Variants in TAFA5 observed in about 807,000 individuals in gnomAD.
TAFA5 encodes the protein TAFA chemokine like family member 5, also known as chemokine-like protein TAFA-5.
Under a neutral mutation model 15.3 loss-of-function variants are expected in TAFA5, and 6 were observed. The ratio of observed to expected loss-of-function variants is 0.39; its 90% CI spans 0.21 to 0.77. The LOEUF (loss-of-function observed/expected upper bound fraction) is 0.77. TAFA5 is among the 30% of genes least tolerant of loss of function. The pLI is 0.41. For synonymous variants in TAFA5, 103 were observed against 80.7 expected, an observed-to-expected ratio of 1.28 and a Z score of -1.48; for missense variants, 161 against 193.1, an observed-to-expected ratio of 0.83 and a Z score of 0.98.
rs201684030 is a variant in TAFA5 at position 48,707,767 on chromosome 22, G to C, written c.313G>C (p.Gly105Arg). The change falls in exon 3 of 4, where the codon GGG becomes CGG. Residue 105 changes from glycine to arginine, a missense_variant. Coordinates refer to ENST00000402357, the MANE Select transcript of TAFA5 (RefSeq NM_001082967.3). ...QWCDMLPCLE[G>R]EGCDLLINRS... The stretch of plus-strand genomic sequence containing the variant: ...GTGTGACATGCTTCCGTGTCTGGAG[G>C]GGGAAGGCTGCGACTTGTTAATCAA... 6.2e-7 allele frequency: 1 copy of C among 1,613,952 alleles called. No individual in the cohort carries two copies. The highest frequency in any genetic ancestry group is 8.5e-7 in the Non-Finnish European group (1 of 1,179,874).
chr22:48,692,120 G>A (rs5771724), intron 2 of TAFA5, among the ~76,000 whole-genome samples: 16,999 of 152,122 alleles, frequency 0.11, 999 homozygotes, highest in South Asian at 0.15. Context: ...GTCTTCCTGG[G>A]AAGACACCGA....
rs1924839681 is a variant in TAFA5 at position 48,598,173 on chromosome 22, TGAGGAAGGTC to T, written c.113-48423_113-48414del. 6.6e-6 allele frequency among the ~76,000 whole-genome samples: 1 copy of T among 152,178 alleles called. No individual in the cohort carries two copies. Among genetic ancestry groups the T allele is most frequent in the African/African-American group, 2.4e-5 (1 of 41,452 alleles). On this transcript the variant is annotated intron_variant, in intron 1 of 3. Coordinates refer to ENST00000402357, the MANE Select transcript of TAFA5 (RefSeq NM_001082967.3). This position sits in a 1 kb window ranked among gnomAD's most constrained non-coding sequence, Gnocchi z 4.0. ...TCCGCTGGAGAATTCTTTTCTTGCT[TGAGGAAGGTC>T]CATCTTTGTCCATTGAGGCCTTCAC...
At chr22:48,729,751 A>G (rs889509480) in intron 3 of TAFA5, among the ~76,000 whole-genome samples, 1 of 147,676 alleles carries the variant, frequency 6.8e-6, no homozygotes, top group East Asian at 1.9e-4. Flanking sequence ...ATAAATTTAA[A>G]TATGAAATAT....
intron 1 of TAFA5, among the ~76,000 whole-genome samples, chr22:48,495,600 C>T (rs1274184658): frequency 1.3e-5 from 2 of 152,198 alleles, no homozygotes; most frequent in Non-Finnish European, 2.9e-5. Flanking sequence ...GCCCCTGGCC[C>T]TGCACCCAGC....
intron 1 of TAFA5, among the ~76,000 whole-genome samples, chr22:48,609,744 G>C (rs1200548083): frequency 6.6e-6 from 1 of 152,226 alleles, no homozygotes; most frequent in Non-Finnish European, 1.5e-5. Flanking sequence ...GAGGCCGGGG[G>C]TCTGGCATCA....
intron 3 of TAFA5, among the ~76,000 whole-genome samples, chr22:48,729,888 C>T (rs888700003): frequency 1.3e-5 from 2 of 151,888 alleles, no homozygotes; most frequent in African/African-American, 4.8e-5. Context: ...GTGATGTGGG[C>T]CAGGCACCGT....
At chr22:48,657,413 G>A (rs1415439125) in intron 2 of TAFA5, among the ~76,000 whole-genome samples, 1 of 152,142 alleles carries the variant, frequency 6.6e-6, no homozygotes, top group Non-Finnish European at 1.5e-5. Flanking sequence ...AAAAGCCCAG[G>A]ACCAGATGGC....
At chr22:48,585,715 C>T (rs1050461511) in intron 1 of TAFA5, among the ~76,000 whole-genome samples, 1 of 151,632 alleles carries the variant, frequency 6.6e-6, no homozygotes, top group Non-Finnish European at 1.5e-5. Context: ...CAGAATATAC[C>T]ACACACAACA....
chr22:48,554,783 C>T lies in TAFA5; in HGVS notation c.112+65079C>T, dbSNP rs1002164135. On this transcript the variant is annotated intron_variant, in intron 1 of 3. Transcript: ENST00000402357. ...ATTCTCTGCAGACCTATAATCCTCT[C>T]AAGAGCCTGCTGGTTTTTACAAAGA... Among the ~76,000 whole-genome samples the T allele has an allele frequency of 4.6e-5, 7 of 152,364 alleles. No homozygotes were observed. In the East Asian group the frequency reaches 7.7e-4, roughly 17 times the overall value.
rs114652095 is a variant in TAFA5 at position 48,526,454 on chromosome 22, C to T, written c.112+36750C>T. Among the ~76,000 whole-genome samples the T allele has an allele frequency of 7.3e-3, 1,117 of 152,358 alleles. 12 individuals carry two copies. The highest frequency in any genetic ancestry group is 0.026 in the African/African-American group (1,067 of 41,586). On this transcript the variant is annotated intron_variant, in intron 1 of 3. Transcript: ENST00000402357. Reference sequence around the variant, plus strand: ...CCCAGACACATCTGAATACTGGCCACCTGGAGCCCTCAGAGTCCCTGGTCC... The same window carrying T: ...CCCAGACACATCTGAATACTGGCCATCTGGAGCCCTCAGAGTCCCTGGTCC...
Position 48,682,940 on chromosome 22 carries a change from G to A in TAFA5, c.263-24777G>A, listed in dbSNP as rs901119819. ...TGGCAGTTTTTGACTTTTGATTTCC[G>A]TCTCTCCCCTTGTCTTGACCACACC... On this transcript the variant is annotated intron_variant, in intron 2 of 3. Transcript: ENST00000402357. 1.4e-4 allele frequency among the ~76,000 whole-genome samples: 22 copies of A among 152,114 alleles called. 1 individual carries two copies. Among genetic ancestry groups the A allele is most frequent in the Admixed American group, 1.1e-3 (17 of 15,272 alleles).
At chr22:48,725,725 A>G (rs1387575781) in intron 3 of TAFA5, among the ~76,000 whole-genome samples, 4 of 46,376 alleles carry the variant, frequency 8.6e-5, no homozygotes, top group Non-Finnish European at 2.3e-4. Flanking sequence ...TAATTCACAG[A>G]AAAAAAAAAA....
intron 1 of TAFA5, among the ~76,000 whole-genome samples, chr22:48,629,229 G>A (rs559428203): frequency 6.6e-6 from 1 of 152,254 alleles, no homozygotes; most frequent in Admixed American, 6.5e-5. Flanking sequence ...CCACCCTCAG[G>A]GCCTGGCCCT....
chr22:48,726,025 G>T (rs1265367458), intron 3 of TAFA5, among the ~76,000 whole-genome samples: 1 of 152,130 alleles, frequency 6.6e-6, no homozygotes, highest in African/African-American at 2.4e-5. Flanking sequence ...ACCATCCAGG[G>T]AATATTAAGA....
chr22:48,669,522 C>T (rs1927733658), intron 2 of TAFA5, among the ~76,000 whole-genome samples: 1 of 152,240 alleles, frequency 6.6e-6, no homozygotes, highest in African/African-American at 2.4e-5. Flanking sequence ...ATGAGTGACC[C>T]TGAAGTGCCC....
chr22:48,503,838 C>T (rs762864398), intron 1 of TAFA5, among the ~76,000 whole-genome samples: 1 of 152,204 alleles, frequency 6.6e-6, no homozygotes, highest in Non-Finnish European at 1.5e-5. Context: ...GCTCCTCAGA[C>T]GTCAGGTGGC....
chr22:48,613,885 C>A (rs1037855219), intron 1 of TAFA5, among the ~76,000 whole-genome samples: 38 of 152,354 alleles, frequency 2.5e-4, no homozygotes, highest in African/African-American at 8.4e-4. Context: ...TCCAGGCCCC[C>A]ATGGCTGAAG....
At chr22:48,537,708 C>T (rs920796500) in intron 1 of TAFA5, among the ~76,000 whole-genome samples, 1 of 152,158 alleles carries the variant, frequency 6.6e-6, no homozygotes, top group South Asian at 2.1e-4. Flanking sequence ...CTCCCTGGGG[C>T]CCTGGAGGCC....
At chr22:48,509,459 C>A (rs1284473816) in intron 1 of TAFA5, among the ~76,000 whole-genome samples, 1 of 152,118 alleles carries the variant, frequency 6.6e-6, no homozygotes, top group Non-Finnish European at 1.5e-5. Flanking sequence ...TTCTCTGAAT[C>A]CTTGCCAGCA....
Sources: allele counts gnomAD v4.1 joint callset (sites outside exome capture counted in the v4.1 genomes callset), GRCh38; gene constraint gnomAD v4.1.1; non-coding constraint Gnocchi (gnomAD v3.1); transcripts MANE v1.5; gene names NCBI Gene and HGNC (gene_info 2026-07-23, HGNC 2026-07-21).